The following PDSS2 variants were observed in gnomAD, a reference collection of about 807,000 sequenced individuals.
PDSS2 encodes all trans-polyprenyl-diphosphate synthase PDSS2.
In PDSS2, 31 loss-of-function variants were observed where a neutral mutation model predicts 44.5. That is an observed-to-expected ratio of 0.70 (90% CI 0.52 to 0.94). The LOEUF (loss-of-function observed/expected upper bound fraction) is 0.94. Among genes scored for constraint, PDSS2 ranks in the 40% least tolerant of loss-of-function variants. The pLI is 0.00. For missense variants in PDSS2, 452 were observed against 482.2 expected (o/e 0.94, Z 0.59); for synonymous variants, 157 against 180.3 (o/e 0.87, Z 1.03).
At chr6:107,378,102 C>T (rs1015641350) in intron 1 of PDSS2, among the ~76,000 whole-genome samples, 12 of 145,224 alleles carry the variant, frequency 8.3e-5, no homozygotes, top group Admixed American at 6.2e-4. Flanking sequence ...TTAAAAAAAA[C>T]GACAGTACAC....
chr6:107,431,773 G>GAA (rs1446330590), intron 1 of PDSS2, among the ~76,000 whole-genome samples: 1 of 152,088 alleles, frequency 6.6e-6, no homozygotes, highest in African/African-American at 2.4e-5. Flanking sequence ...TATATTTATT[G>GAA]AACAGTTAAT....
intron 7 of PDSS2, among the ~76,000 whole-genome samples, chr6:107,167,419 CA>C (rs1218044339): frequency 3.9e-5 from 6 of 152,020 alleles, no homozygotes; most frequent in African/African-American, 1.4e-4. Context: ...TTGATCTTTT[CA>C]AAAAACTAGC....
In PDSS2 at chr6:107,162,610, A is replaced by ATTTTTTTT. The variant is rs71012782; in HGVS notation, c.1042-7841_1042-7834dup. 7.8e-5 allele frequency among the ~76,000 whole-genome samples: 9 copies of ATTTTTTTT among 115,558 alleles called. 1 individual carries two copies. The highest frequency in any genetic ancestry group is 8.5e-5 in the Non-Finnish European group (5 of 58,902). The allele number at this position is 115,558 out of a possible 152,430, so 75.8% of individuals were successfully genotyped here. On this transcript the variant is annotated intron_variant, in intron 7 of 7. Transcript: ENST00000369037. The stretch of plus-strand genomic sequence containing the variant: ...TTTTTATTTTGTCAAGAATTCCCTA[A>ATTTTTTTT]TTTTTTTTTTTTTTTGAGATGGAGT...
rs184969756 is a variant in PDSS2, at chr6:107,221,013, T to C, written c.703-8731A>G. ...ATACCAGATATACAGAATTGTGAAA[T>C]GAATGCATGTTAGTCAGAGTAAATG... On this transcript the variant is annotated intron_variant, in intron 4 of 7. Coordinates refer to ENST00000369037, the MANE Select transcript of PDSS2 (RefSeq NM_020381.4). 2.9e-3 allele frequency among the ~76,000 whole-genome samples: 437 copies of C among 152,256 alleles called. 1 individual carries two copies. The highest frequency in any genetic ancestry group is 9.8e-3 in the African/African-American group (409 of 41,562).
intron 2 of PDSS2, among the ~76,000 whole-genome samples, chr6:107,296,848 T>C (rs1283117560): frequency 6.6e-6 from 1 of 152,264 alleles, no homozygotes; most frequent in Admixed American, 6.5e-5. Context: ...TGCATTGTTA[T>C]TGAAGAATGC....
intron 7 of PDSS2, among the ~76,000 whole-genome samples, chr6:107,163,761 C>G (rs1370352433): frequency 1.3e-5 from 2 of 152,038 alleles, no homozygotes; most frequent in Non-Finnish European, 2.9e-5. Flanking sequence ...TGCCACCACA[C>G]GCAGCTAATT....
At chr6:107,171,388 C>G (rs1465023364) in intron 7 of PDSS2, among the ~76,000 whole-genome samples, 1 of 152,056 alleles carries the variant, frequency 6.6e-6, no homozygotes, top group East Asian at 1.9e-4. Context: ...ATCTTAAACT[C>G]CTGGGATCAA....
intron 4 of PDSS2, among the ~76,000 whole-genome samples, chr6:107,227,196 T>C (rs1352030538): frequency 6.6e-6 from 1 of 151,132 alleles, no homozygotes; most frequent in African/African-American, 2.4e-5. Flanking sequence ...TTGGCCAGGC[T>C]GGTCTCGAAC....
chr6:107,332,203 C>T (rs1777733665), intron 2 of PDSS2, among the ~76,000 whole-genome samples: 3 of 151,686 alleles, frequency 2.0e-5, no homozygotes, highest in Admixed American at 1.3e-4. Flanking sequence ...CTCCAAGGCT[C>T]AAGCGATCCT....
intron 1 of PDSS2, among the ~76,000 whole-genome samples, chr6:107,413,461 G>A (rs1436078272): frequency 2.0e-5 from 3 of 152,140 alleles, no homozygotes; most frequent in African/African-American, 4.8e-5. Flanking sequence ...TCTTAAGCTC[G>A]GGAGATCAGG....
chr6:107,244,124 A>G (rs1034887933), intron 4 of PDSS2, among the ~76,000 whole-genome samples: 2 of 152,154 alleles, frequency 1.3e-5, no homozygotes, highest in Admixed American at 6.5e-5. Context: ...GCGAAACTCC[A>G]TCTCAAAAAA....
chr6:107,457,895 T>C (rs918368870), intron 1 of PDSS2, among the ~76,000 whole-genome samples: 4 of 152,330 alleles, frequency 2.6e-5, no homozygotes. Flanking sequence ...AGGAGATTAC[T>C]GCTATGCTTA....
chr6:107,436,692 G>GT (rs1297940358), intron 1 of PDSS2, among the ~76,000 whole-genome samples: 2 of 152,040 alleles, frequency 1.3e-5, no homozygotes, highest in Non-Finnish European at 2.9e-5. Context: ...TAACAATAAT[G>GT]TATTACATAG....
chr6:107,216,791 G>C (rs1773427115), intron 4 of PDSS2, among the ~76,000 whole-genome samples: 1 of 152,118 alleles, frequency 6.6e-6, no homozygotes, highest in African/African-American at 2.4e-5. Context: ...TGTTGGGGGA[G>C]GGGTGGAGAG....
chr6:107,363,689 C>T (rs1414422506), intron 1 of PDSS2, among the ~76,000 whole-genome samples: 1 of 152,200 alleles, frequency 6.6e-6, no homozygotes, highest in East Asian at 1.9e-4. Context: ...CTGGCTCGGG[C>T]AGCCTGCTTT....
At chr6:107,269,225 C>G (rs568049203) in intron 3 of PDSS2, among the ~76,000 whole-genome samples, 1 of 152,190 alleles carries the variant, frequency 6.6e-6, no homozygotes, top group African/African-American at 2.4e-5. Flanking sequence ...CCTGGCCTAA[C>G]AAATATTTTT....
intron 2 of PDSS2, among the ~76,000 whole-genome samples, chr6:107,332,209 A>T (rs1777734048): frequency 6.6e-6 from 1 of 151,730 alleles, no homozygotes; most frequent in South Asian, 2.1e-4. Context: ...GGCTCAAGCG[A>T]TCCTTCCACC....
intron 1 of PDSS2, among the ~76,000 whole-genome samples, chr6:107,351,944 T>C (rs1403514453): frequency 6.6e-6 from 1 of 152,130 alleles, no homozygotes; most frequent in Non-Finnish European, 1.5e-5. Flanking sequence ...TTTGTGAAAT[T>C]TTAGGAAAAT....
chr6:107,291,907 C>A (rs1199763424), intron 2 of PDSS2, among the ~76,000 whole-genome samples: 1 of 151,964 alleles, frequency 6.6e-6, no homozygotes, highest in Non-Finnish European at 1.5e-5. Flanking sequence ...ATAAAGATGA[C>A]CTCCAAGTAG....
Sources: allele counts gnomAD v4.1 joint callset (sites outside exome capture counted in the v4.1 genomes callset), GRCh38; gene constraint gnomAD v4.1.1; transcripts MANE v1.5; gene names NCBI Gene and HGNC (gene_info 2026-07-23, HGNC 2026-07-21).